The following ILDR1 variants were observed in gnomAD, a reference collection of about 807,000 sequenced individuals.
ILDR1 encodes immunoglobulin like domain containing receptor 1.
In ILDR1, 56 loss-of-function variants were observed where a neutral mutation model predicts 62.4. The observed-to-expected ratio is 0.90, with a 90% confidence interval of 0.72 to 1.12. The LOEUF is 1.12. ILDR1 is among the 50% of genes most tolerant of loss of function. The pLI is 0.00. For synonymous variants in ILDR1, 284 were observed against 277.8 expected (o/e 1.02, Z -0.22); for missense variants, 736 against 710.6 (o/e 1.04, Z -0.41).
At chr3:122,024,093 T>G (rs895625484), upstream of ILDR1, among the ~76,000 whole-genome samples, 14 of 151,978 alleles carry the variant, frequency 9.2e-5, 1 homozygote, top group South Asian at 4.2e-4. Context: ...TCTCCCATGT[T>G]TGTTCCGTTG....
At chr3:122,058,316 G>A in the ILDR1 span, among the ~76,000 whole-genome samples, 7 of 152,170 alleles carry the variant, frequency 4.6e-5, no homozygotes, top group Non-Finnish European at 8.8e-5. Context: ...AAAACAAGCA[G>A]TACCCAGGAC....
In ILDR1 at chr3:121,996,784, A is replaced by C. The variant is rs1232697833; in HGVS notation, c.647-2471T>G. The stretch of plus-strand genomic sequence containing the variant: ...AAGCTCCCTGTTCCAATAATGTAGG[A>C]GTCAACTTGGAATTGACTGCTGAGG... On this transcript the variant is annotated intron_variant, in intron 5 of 7. Transcript: ENST00000344209. Among the ~76,000 whole-genome samples, 3 of 152,238 alleles carry C rather than the reference A, an allele frequency of 2.0e-5. No homozygotes were observed. In the East Asian group the frequency reaches 5.8e-4, roughly 29 times the overall value.
chr3:122,004,368 A>C (rs1369011120), intron 3 of ILDR1, among the ~76,000 whole-genome samples: 1 of 152,214 alleles, frequency 6.6e-6, no homozygotes, highest in African/African-American at 2.4e-5. Flanking sequence ...CTTACTGCCC[A>C]CTTCCTGTTT....
chr3:122,001,477 G>T, intron 4 of ILDR1, 23 bp from the exon 5 acceptor site: 1 of 1,613,524 alleles, frequency 6.2e-7, no homozygotes, highest in South Asian at 1.1e-5. Context: ...AGCCAAGCAG[G>T]GGTTGAACTA....
the ILDR1 span, among the ~76,000 whole-genome samples, chr3:122,038,667 T>A: frequency 2.8e-3 from 419 of 152,274 alleles, 2 homozygotes; most frequent in Non-Finnish European, 4.3e-3. Context: ...GATACAGATA[T>A]AACAAAGATG....
chr3:122,045,523 A>T, the ILDR1 span, among the ~76,000 whole-genome samples: 2 of 151,126 alleles, frequency 1.3e-5, no homozygotes, highest in Non-Finnish European at 3.0e-5. Context: ...TGGGGTGTTA[A>T]AGTCTCCCAT....
chr3:122,008,374 T>TCCTATGTTA (rs372008740), intron 1 of ILDR1, among the ~76,000 whole-genome samples: 2,141 of 152,134 alleles, frequency 0.014, 56 homozygotes, highest in African/African-American at 0.048. Context: ...CTTGGAACAT[T>TCCTATGTTA]CCTATGTTAG....
the ILDR1 span, among the ~76,000 whole-genome samples, chr3:122,030,670 C>A: frequency 6.7e-6 from 1 of 150,046 alleles, no homozygotes; most frequent in Non-Finnish European, 1.5e-5. Context: ...TCTTACTCTT[C>A]TGGCAAGGCT....
chr3:122,046,278 C>T, the ILDR1 span, among the ~76,000 whole-genome samples: 15 of 149,776 alleles, frequency 1.0e-4, no homozygotes, highest in East Asian at 1.2e-3. Flanking sequence ...GGGTTTCTGC[C>T]GAGAGATCCG....
At chr3:122,047,457 C>T in the ILDR1 span, among the ~76,000 whole-genome samples, 2 of 152,250 alleles carry the variant, frequency 1.3e-5, no homozygotes, top group Non-Finnish European at 2.9e-5. Context: ...TTGGAGCTTC[C>T]TGGCTGCTTT....
intron 2 of ILDR1, 47 bp from the exon 3 acceptor site, chr3:122,005,440 C>T (rs755788174): frequency 2.5e-6 from 4 of 1,602,096 alleles, no homozygotes; most frequent in Non-Finnish European, 3.4e-6. Flanking sequence ...AGGGGGTTCC[C>T]ACAAAAAAAA....
intron 2 of ILDR1, among the ~76,000 whole-genome samples, chr3:122,006,266 T>C (rs1333051511): frequency 6.6e-6 from 1 of 152,222 alleles, no homozygotes; most frequent in Non-Finnish European, 1.5e-5. Flanking sequence ...TCTACTTCTA[T>C]TCTCAAAATC....
the ILDR1 span, among the ~76,000 whole-genome samples, chr3:122,035,736 G>A: frequency 1.3e-5 from 2 of 152,138 alleles, no homozygotes; most frequent in Non-Finnish European, 2.9e-5. Flanking sequence ...TCAGCCTGTG[G>A]AACAGTGAGT....
chr3:122,022,391 C>T, upstream of ILDR1: 1 of 335,086 alleles, frequency 3.0e-6, no homozygotes, highest in Non-Finnish European at 5.4e-6. Flanking sequence ...CACCGTCCCC[C>T]ACCCCGCTGA....
At chr3:122,033,114 T>C in the ILDR1 span, among the ~76,000 whole-genome samples, 2 of 152,250 alleles carry the variant, frequency 1.3e-5, no homozygotes, top group Non-Finnish European at 2.9e-5. Flanking sequence ...ACATTTTCAG[T>C]GTTTGAGATT....
At chr3:121,991,369 G>C (rs1233219549) in intron 7 of ILDR1, among the ~76,000 whole-genome samples, 1 of 152,140 alleles carries the variant, frequency 6.6e-6, no homozygotes, top group African/African-American at 2.4e-5. Context: ...GTAGATTTGG[G>C]GCCCAAAACT....
chr3:122,009,342 CA>C (rs1309512151), intron 1 of ILDR1, among the ~76,000 whole-genome samples: 1 of 147,690 alleles, frequency 6.8e-6, no homozygotes, highest in African/African-American at 2.7e-5. Context: ...CACACACACA[CA>C]CACACACACA....
intron 1 of ILDR1, among the ~76,000 whole-genome samples, chr3:122,017,342 C>G (rs2071791166): frequency 1.3e-5 from 2 of 152,206 alleles, no homozygotes; most frequent in Non-Finnish European, 2.9e-5. Flanking sequence ...AGCCACCGTG[C>G]CCGGCCAGAG....
At chr3:122,002,718 G>A (rs138653809) in intron 3 of ILDR1, among the ~76,000 whole-genome samples, 24 of 151,818 alleles carry the variant, frequency 1.6e-4, no homozygotes, top group African/African-American at 3.6e-4. Flanking sequence ...CCATCACCTC[G>A]GTATAAAGCC....
Sources: gnomAD v4.1 joint callset for allele counts (sites outside exome capture counted in the v4.1 genomes callset) on GRCh38, gnomAD v4.1.1 for gene constraint, MANE v1.5 for transcripts, NCBI Gene and HGNC (gene_info 2026-07-23, HGNC 2026-07-21) for gene names.